Variants in VIPR1 observed in about 807,000 individuals in gnomAD.
VIPR1 encodes vasoactive intestinal polypeptide receptor 1.
A neutral mutation model predicts 58.8 loss-of-function variants in VIPR1; 59 were observed. The ratio of observed to expected loss-of-function variants is 1.00; its 90% CI spans 0.81 to 1.25. The LOEUF is 1.25. Ranked by LOEUF, VIPR1 falls within the 50% of genes most tolerant of loss-of-function variation. VIPR1 has a pLI of 0.00. For synonymous variants in VIPR1, 251 were observed against 242.1 expected, an observed-to-expected ratio of 1.04 and a Z score of -0.34; for missense variants, 626 against 602.7, an observed-to-expected ratio of 1.04 and a Z score of -0.40.
chr3:42,505,656 T>C (rs1225089270), intron 1 of VIPR1, among the ~76,000 whole-genome samples: 2 of 152,262 alleles, frequency 1.3e-5, no homozygotes, highest in Admixed American at 6.5e-5. Context: ...TCTACCCTCC[T>C]GTCCTGGTGC....
At chr3:42,532,423 A>G in intron 10 of VIPR1, 90 bp downstream of exon 10, 1 of 1,332,160 alleles carries the variant, frequency 7.5e-7, no homozygotes, top group East Asian at 2.3e-5. Flanking sequence ...CCCACCCCAA[A>G]CATCCAGAGT....
intron 2 of VIPR1, among the ~76,000 whole-genome samples, chr3:42,514,548 C>T (rs967034605): frequency 1.2e-4 from 18 of 151,184 alleles, no homozygotes; most frequent in Non-Finnish European, 2.4e-4. Context: ...ACACCACACA[C>T]ACACACACAC....
intron 1 of VIPR1, among the ~76,000 whole-genome samples, chr3:42,497,106 C>T (rs753003401): frequency 1.3e-5 from 2 of 152,190 alleles, no homozygotes; most frequent in African/African-American, 2.4e-5. Flanking sequence ...CACACAGGAA[C>T]GCAGGACTGG....
upstream of VIPR1, among the ~76,000 whole-genome samples, chr3:42,499,183 A>G (rs1356183218): frequency 6.6e-6 from 1 of 152,168 alleles, no homozygotes; most frequent in Non-Finnish European, 1.5e-5. Context: ...TTTCCTCACC[A>G]TCTCCTAGCC....
chr3:42,495,518 A>G (rs901997251), intron 1 of VIPR1, among the ~76,000 whole-genome samples: 2 of 152,120 alleles, frequency 1.3e-5, no homozygotes, highest in African/African-American at 2.4e-5. Context: ...ATGGCACCCA[A>G]GATTCCTGCC....
chr3:42,516,264 A>G (rs1700621233), intron 2 of VIPR1, among the ~76,000 whole-genome samples: 1 of 152,166 alleles, frequency 6.6e-6, no homozygotes, highest in African/African-American at 2.4e-5. Context: ...GATGGGACCT[A>G]TGGGGCCTCA....
chr3:42,498,841 A>G (rs1161228402), upstream of VIPR1, among the ~76,000 whole-genome samples: 3 of 152,148 alleles, frequency 2.0e-5, no homozygotes, highest in African/African-American at 7.2e-5. Context: ...TGAATGAATG[A>G]TATTCACTGC....
At position 42,536,360 on chromosome 3, in the gene VIPR1, T is replaced by C. The variant is rs906105836; in HGVS notation, c.*79T>C. The C allele has an allele frequency of 7.1e-7, 1 of 1,410,748 alleles. No homozygotes were observed. The highest frequency in any genetic ancestry group is 1.5e-5 in the African/African-American group (1 of 67,386). The allele number at this position is 1,410,748 out of a possible 1,614,324, so 87.4% of individuals were successfully genotyped here. On this transcript the variant is annotated 3_prime_UTR_variant, in exon 13 of 13. Coordinates refer to ENST00000325123, the MANE Select transcript of VIPR1 (RefSeq NM_004624.4). ...CCGGCAGACGCCGGGGACAGAGGCC[T>C]GCCCGGGCGCGGCCAGCCCCGGCCC...
upstream of VIPR1, among the ~76,000 whole-genome samples, chr3:42,499,819 A>C (rs1699833541): frequency 6.6e-6 from 1 of 152,158 alleles, no homozygotes. Flanking sequence ...AACTGGGTGC[A>C]CAAAAGGATG....
At chr3:42,504,421 A>G (rs1700014053) in intron 1 of VIPR1, among the ~76,000 whole-genome samples, 2 of 151,818 alleles carry the variant, frequency 1.3e-5, no homozygotes, top group South Asian at 2.1e-4. Context: ...GCCCAACTCT[A>G]TCTCCTCCTC....
At chr3:42,525,042 C>T (rs955715874) in intron 3 of VIPR1, among the ~76,000 whole-genome samples, 1 of 152,032 alleles carries the variant, frequency 6.6e-6, no homozygotes, top group East Asian at 1.9e-4. Flanking sequence ...GTGACTATGG[C>T]GGTGGTGGTG....
At chr3:42,532,647 G>A (rs973908326) in intron 10 of VIPR1, 6 of 464,856 alleles carry the variant, frequency 1.3e-5, no homozygotes, top group Middle Eastern at 6.0e-4. Flanking sequence ...TTCATACCAT[G>A]TGCCCAGTCC....
At chr3:42,492,174 A>T (rs1236751183) in intron 1 of VIPR1, among the ~76,000 whole-genome samples, 4 of 139,230 alleles carry the variant, frequency 2.9e-5, no homozygotes, top group African/African-American at 1.1e-4. Flanking sequence ...TCCTCTGCCC[A>T]CCCTCCTCAT....
In VIPR1 at chr3:42,505,007, G is replaced by A. The variant is rs145464398; in HGVS notation, c.78+2194G>A. On this transcript the variant is annotated intron_variant, in intron 1 of 12. Transcript: ENST00000325123. ...AAGCCTTCCACTGCCCCTGCCCCCC[G>A]GACAGCAGGCACAGGGACTCCTCAT... Among the ~76,000 whole-genome samples the A allele has an allele frequency of 7.5e-3, 1,129 of 150,802 alleles. 10 individuals carry two copies. The highest frequency in any genetic ancestry group is 0.025 in the African/African-American group (1,024 of 41,116).
intron 10 of VIPR1, 59 bp from the exon 11 acceptor site, chr3:42,534,916 C>G: frequency 6.3e-7 from 1 of 1,593,488 alleles, no homozygotes. Context: ...ATGCCACACC[C>G]TATCATATCC....
rs182987180 is a variant in VIPR1 at position 42,536,343 on chromosome 3, C to T, written c.*62C>T. Reference sequence around the variant, plus strand: ...GCCCCTTCCCACTCACCCCGGCAGACGCCGGGGACAGAGGCCTGCCCGGGC... The same window carrying T: ...GCCCCTTCCCACTCACCCCGGCAGATGCCGGGGACAGAGGCCTGCCCGGGC... On this transcript the variant is annotated 3_prime_UTR_variant, in exon 13 of 13. Transcript: ENST00000325123. The T allele has an allele frequency of 4.7e-4, 675 of 1,444,640 alleles. 4 individuals carry two copies. In the African/African-American group the frequency reaches 8.7e-3, roughly 19 times the overall value. The allele number at this position is 1,444,640 out of a possible 1,614,324, so 89.5% of individuals were successfully genotyped here.
chr3:42,516,700 A>G (rs1331089167), intron 2 of VIPR1: 1 of 152,322 alleles, frequency 6.6e-6, no homozygotes, highest in Non-Finnish European at 1.5e-5. Flanking sequence ...AGAGGGGTAA[A>G]CAAAGTCCAG....
chr3:42,529,075 GA>G, intron 6 of VIPR1, among the ~76,000 whole-genome samples: 1 of 152,188 alleles, frequency 6.6e-6, no homozygotes. Context: ...ACATGTTACG[GA>G]TAATTATGGA....
chr3:42,531,764 G>A (rs1701568593), intron 8 of VIPR1, 39 bp from the exon 9 acceptor site: 4 of 1,613,368 alleles, frequency 2.5e-6, no homozygotes, highest in African/African-American at 2.7e-5. Context: ...CTCTCTGGCT[G>A]AGGACAATCC....
Sources: gnomAD v4.1 joint callset for allele counts (sites outside exome capture counted in the v4.1 genomes callset) on GRCh38, gnomAD v4.1.1 for gene constraint, MANE v1.5 for transcripts, NCBI Gene and HGNC (gene_info 2026-07-23, HGNC 2026-07-21) for gene names.